The following HNRNPLL variants were observed in gnomAD, a reference collection of about 807,000 sequenced individuals.
HNRNPLL encodes the protein heterogeneous nuclear ribonucleoprotein L-like.
Under a neutral mutation model 67.1 loss-of-function variants are expected in HNRNPLL, and 25 were observed. The observed-to-expected ratio is 0.37, with a 90% confidence interval of 0.27 to 0.52. The LOEUF (loss-of-function observed/expected upper bound fraction) is 0.52. HNRNPLL is among the 20% of genes least tolerant of loss of function. The probability of loss-of-function intolerance (pLI) is 0.90; values close to 1 mark genes in which losing one functional copy is unlikely to be tolerated. For synonymous variants in HNRNPLL, 267 were observed against 241.7 expected, an observed-to-expected ratio of 1.10 and a Z score of -0.97; for missense variants, 542 against 673.9, an observed-to-expected ratio of 0.80 and a Z score of 2.17.
chr2:38,566,253 A>T (rs901204021), intron 12 of HNRNPLL: 2 of 171,024 alleles, frequency 1.2e-5, no homozygotes, highest in African/African-American at 4.8e-5. Context: ...CTATAATCCC[A>T]GCTACTTGGG....
Position 38,602,679 on chromosome 2 carries a change from C to A in HNRNPLL, c.-53G>T. 7.0e-7 allele frequency: 1 copy of A among 1,431,118 alleles called. No homozygotes were observed. The allele number at this position is 1,431,118 out of a possible 1,614,324, so 88.7% of individuals were successfully genotyped here. A position where few individuals can be genotyped will look rare whatever the true frequency, so the allele number is the denominator to read the frequency against. ...GGCGGGTGGGGGTGGCGGTGGGGCG[C>A]GCGCCTCGGATGCCGCCGGCCAGTC... On this transcript the variant is annotated 5_prime_UTR_variant, in exon 1 of 13. Coordinates refer to ENST00000449105, the MANE Select transcript of HNRNPLL (RefSeq NM_138394.4).
intron 1 of HNRNPLL, among the ~76,000 whole-genome samples, chr2:38,601,241 CAA>C (rs1249518787): frequency 6.6e-6 from 1 of 152,162 alleles, no homozygotes; most frequent in Non-Finnish European, 1.5e-5. Flanking sequence ...AAATGTGTTG[CAA>C]AGTTTGCTCT....
At chr2:38,582,011 T>G (rs1558537450) in intron 5 of HNRNPLL, 26 bp from the exon 6 acceptor site, 1 of 1,602,388 alleles carries the variant, frequency 6.2e-7, no homozygotes, top group African/African-American at 1.3e-5. Flanking sequence ...ATAATGTAAG[T>G]TCAAACTGCA....
chr2:38,572,208 T>A (rs749697916), intron 8 of HNRNPLL, among the ~76,000 whole-genome samples: 1 of 143,496 alleles, frequency 7.0e-6, no homozygotes, highest in South Asian at 2.1e-4. Flanking sequence ...AGACCAAATG[T>A]GGAATGTTTT....
At chr2:38,585,510 G>T in intron 3 of HNRNPLL, 134 bp downstream of exon 3, 1 of 611,610 alleles carries the variant, frequency 1.6e-6, no homozygotes. Flanking sequence ...CATTAAACTT[G>T]TTAAGATTAA....
intron 7 of HNRNPLL, among the ~76,000 whole-genome samples, chr2:38,574,428 T>TCC (rs1666219687): frequency 6.6e-6 from 1 of 151,676 alleles, no homozygotes; most frequent in Non-Finnish European, 1.5e-5. Context: ...CATGCAAAGG[T>TCC]CCCCCTGATG....
At chr2:38,582,016 A>T in intron 5 of HNRNPLL, 31 bp from the exon 6 acceptor site, 1 of 1,598,860 alleles carries the variant, frequency 6.3e-7, no homozygotes, top group Non-Finnish European at 8.6e-7. Flanking sequence ...GTAAGTTCAA[A>T]CTGCATATCC....
intron 11 of HNRNPLL, 30 bp from the exon 12 acceptor site, chr2:38,568,327 T>C (rs1268936704): frequency 6.2e-7 from 1 of 1,605,566 alleles, no homozygotes; most frequent in Non-Finnish European, 8.5e-7. Flanking sequence ...ACTCAGTTAT[T>C]ATTACTTGCT....
rs1302460393 is a variant in HNRNPLL at position 38,602,919 on chromosome 2, A to G, written c.-293T>C. 1.3e-6 allele frequency: 2 copies of G among 1,516,702 alleles called. No individual in the cohort carries two copies. The highest frequency in any genetic ancestry group is 1.8e-6 in the Non-Finnish European group (2 of 1,117,630). 94.0% of individuals were successfully genotyped at this position (1,516,702 alleles called of 1,614,324 possible). On this transcript the variant is annotated 5_prime_UTR_variant, in exon 1 of 13. Coordinates refer to ENST00000449105, the MANE Select transcript of HNRNPLL (RefSeq NM_138394.4). Reference sequence around the variant, plus strand: ...CTCCGCTCCCTGCCCGGAGGAGCGAATCTAAGGATGGGGACGCAACCGTGG... The same window carrying G: ...CTCCGCTCCCTGCCCGGAGGAGCGAGTCTAAGGATGGGGACGCAACCGTGG...
At chr2:38,576,854 C>T (rs1315157212) in intron 7 of HNRNPLL, among the ~76,000 whole-genome samples, 2 of 151,896 alleles carry the variant, frequency 1.3e-5, no homozygotes, top group African/African-American at 4.8e-5. Context: ...AAAGATTCTA[C>T]TTATAAGAAC....
At chr2:38,583,056 TAAG>T (rs1193480195) in intron 4 of HNRNPLL, among the ~76,000 whole-genome samples, 1 of 152,094 alleles carries the variant, frequency 6.6e-6, no homozygotes, top group African/African-American at 2.4e-5. Flanking sequence ...TTTTACTCTT[TAAG>T]AAGAACATTA....
chr2:38,585,652 T>C lies in HNRNPLL; in HGVS notation c.538A>G (p.Ile180Val), dbSNP rs1280020338. ...CATATTAAAACACATACCACTGTAA[T>C]TGGATAAAGCGGATTCTGAATTGAG... ...LLSIQNPLYPITVDVLYTVCN... is the reference protein window; with the variant it reads ...LLSIQNPLYPVTVDVLYTVCN... Residue 180 changes from isoleucine (I) to valine (V), a missense_variant, in exon 3 of 13, where the codon ATT (isoleucine) becomes GTT (valine). By Grantham distance (29) the Ile-to-Val change is conservative. Around this residue, in one of 2 missense-constraint regions of HNRNPLL, gnomAD observed 415 missense variants for 575.2 expected, o/e 0.72. Transcript: ENST00000449105. The C allele has an allele frequency of 2.5e-6, 4 of 1,586,924 alleles. No individual in the cohort carries two copies. The highest frequency in any genetic ancestry group is 1.1e-5 in the South Asian group (1 of 90,526).
intron 1 of HNRNPLL, among the ~76,000 whole-genome samples, chr2:38,595,660 A>C (rs557448283): frequency 6.6e-6 from 1 of 152,252 alleles, no homozygotes; most frequent in South Asian, 2.1e-4. Context: ...CCTGGCCAAC[A>C]TGGTGAAACC....
intron 8 of HNRNPLL, 98 bp downstream of exon 8, chr2:38,573,112 G>T: frequency 1.3e-6 from 1 of 756,798 alleles, no homozygotes. Flanking sequence ...CAAAGAATTT[G>T]GATATTCCTG....
In HNRNPLL at chr2:38,602,907, C is replaced by G. The variant is rs1478686198; in HGVS notation, c.-281G>C. ...CTCCTCCTCCGTCTCCGCTCCCTGCCCGGAGGAGCGAATCTAAGGATGGGG... is the reference window on the plus strand; with the variant it reads ...CTCCTCCTCCGTCTCCGCTCCCTGCGCGGAGGAGCGAATCTAAGGATGGGG... On this transcript the variant is annotated 5_prime_UTR_variant, in exon 1 of 13. Transcript: ENST00000449105. 2.2e-5 allele frequency: 33 copies of G among 1,533,574 alleles called. 1 individual carries two copies. In the East Asian group the frequency reaches 7.9e-4, roughly 37 times the overall value. The allele number at this position is 1,533,574 out of a possible 1,614,324, so 95.0% of individuals were successfully genotyped here.
chr2:38,586,111 TC>T (rs1218037735), intron 2 of HNRNPLL, among the ~76,000 whole-genome samples: 4 of 151,798 alleles, frequency 2.6e-5, no homozygotes, highest in East Asian at 3.9e-4. Context: ...AAGCTCCGCC[TC>T]CCGGGTTCAC....
chr2:38,597,825 T>C lies in HNRNPLL; in HGVS notation c.189+4613A>G, dbSNP rs1233433092. ...GCCTCAGCCTCCGGAGTAGCTGGGA[T>C]TACAGGCGCGTGCCACCACACCCGG... On this transcript the variant is annotated intron_variant, in intron 1 of 12. Coordinates refer to ENST00000449105, the MANE Select transcript of HNRNPLL (RefSeq NM_138394.4). Among the ~76,000 whole-genome samples, 6 of 152,010 alleles carry C rather than the reference T, an allele frequency of 3.9e-5. No individual in the cohort carries two copies. The East Asian group carries it at 1.2e-3, about 29-fold the overall frequency.
Position 38,598,010 on chromosome 2 carries a change from C to T in HNRNPLL, c.189+4428G>A, listed in dbSNP as rs1050863105. Reference sequence around the variant, plus strand: ...CCAAGTCAAGTAACTTTTTAAAAAACAAACTTTTTTTTTTTTTGCTCATGT... The same window carrying T: ...CCAAGTCAAGTAACTTTTTAAAAAATAAACTTTTTTTTTTTTTGCTCATGT... On this transcript the variant is annotated intron_variant, in intron 1 of 12. Transcript: ENST00000449105. 4.0e-5 allele frequency among the ~76,000 whole-genome samples: 6 copies of T among 151,068 alleles called. No homozygotes were observed. The East Asian group carries it at 1.2e-3, about 30-fold the overall frequency.
In HNRNPLL at chr2:38,585,821, ACTAT is replaced by A; in HGVS notation, c.365_368del (p.Asp122ValfsTer6). On this transcript the variant is annotated frameshift_variant, in exon 3 of 13. Transcript: ENST00000449105. LOFTEE classifies it high-confidence loss of function. ...CAGCAAATGTCACACATTCTTTGGCACTATCTATGTTTTCAAATTCCACTAGAGC... is the reference window on the plus strand; with the variant it reads ...CAGCAAATGTCACACATTCTTTGGCACTATGTTTTCAAATTCCACTAGAGC... The A allele has an allele frequency of 6.2e-7, 1 of 1,614,062 alleles. No individual in the cohort carries two copies. The highest frequency in any genetic ancestry group is 8.5e-7 in the Non-Finnish European group (1 of 1,179,898).
Sources: allele counts gnomAD v4.1 joint callset (sites outside exome capture counted in the v4.1 genomes callset), GRCh38; gene constraint gnomAD v4.1.1; regional missense constraint gnomAD v4.1.1; transcripts MANE v1.5; gene names NCBI Gene and HGNC (gene_info 2026-07-23, HGNC 2026-07-21).